Variants in ESPN observed in about 807,000 individuals in gnomAD.
ESPN encodes the protein autosomal recessive deafness type 36 protein.
In ESPN, 68 loss-of-function variants were observed where a neutral mutation model predicts 77.7. That is an observed-to-expected ratio of 0.87 (90% CI 0.72 to 1.07). The LOEUF (loss-of-function observed/expected upper bound fraction) is 1.07, where lower values mean the gene tolerates loss of function less well. Among genes scored for constraint, ESPN ranks in the 50% least tolerant of loss-of-function variants. The pLI is 0.00. For synonymous variants in ESPN, 449 were observed against 567.1 expected, an observed-to-expected ratio of 0.79 and a Z score of 2.96; for missense variants, 1,060 against 1,239.0, an observed-to-expected ratio of 0.86 and a Z score of 2.17.
At chr1:6,441,534 A>G (rs571297114) in intron 5 of ESPN, among the ~76,000 whole-genome samples, 2 of 152,204 alleles carry the variant, frequency 1.3e-5, no homozygotes, top group African/African-American at 4.8e-5. Context: ...CCCCTGCACC[A>G]TACATTTGCT....
intron 1 of ESPN, among the ~76,000 whole-genome samples, chr1:6,426,833 C>A (rs922038186): frequency 6.6e-6 from 1 of 152,158 alleles, no homozygotes; most frequent in African/African-American, 2.4e-5. Context: ...GAACCAGTCT[C>A]TGGCCCCCCC....
intron 2 of ESPN, among the ~76,000 whole-genome samples, chr1:6,434,115 C>A (rs1489286695): frequency 6.6e-6 from 1 of 152,180 alleles, no homozygotes; most frequent in Non-Finnish European, 1.5e-5. Context: ...GTTGGCCAGG[C>A]TGGTCTCCAA....
chr1:6,460,298 TC>T lies in ESPN; in HGVS notation c.*156del, dbSNP rs1013877309. 3.0e-6 allele frequency: 3 copies of T among 999,080 alleles called. No homozygotes were observed. Among genetic ancestry groups the T allele is most frequent in the African/African-American group, 1.7e-5 (1 of 60,590 alleles). The allele number at this position is 999,080 out of a possible 1,614,324, so 61.9% of individuals were successfully genotyped here. ...CTGACCCCCACCCTGGCCCCCCGTA[TC>T]CCCAGCCCTTGGCAACACTGGAGTG... On this transcript the variant is annotated 3_prime_UTR_variant, in exon 13 of 13. Coordinates refer to ENST00000645284, the MANE Select transcript of ESPN (RefSeq NM_031475.3).
intron 1 of ESPN, among the ~76,000 whole-genome samples, chr1:6,426,980 C>T (rs1370983811): frequency 7.9e-5 from 12 of 152,066 alleles, no homozygotes; most frequent in Admixed American, 7.9e-4. Flanking sequence ...CCGCAGGCTG[C>T]CTGAAGACCC....
intron 6 of ESPN, 186 bp from the exon 7 acceptor site, chr1:6,445,478 G>A (rs1643794674): frequency 2.9e-6 from 2 of 690,150 alleles, no homozygotes; most frequent in Admixed American, 4.2e-5. Flanking sequence ...TAAGTGCTGG[G>A]CTGGGGCAGG....
intron 2 of ESPN, among the ~76,000 whole-genome samples, chr1:6,435,138 A>G (rs979153290): frequency 6.6e-6 from 1 of 152,034 alleles, no homozygotes; most frequent in African/African-American, 2.4e-5. Flanking sequence ...ATCTTTTAAC[A>G]TAGGCCGGGA....
chr1:6,452,128 G>T (rs1409598405), intron 10 of ESPN, 32 bp downstream of exon 10: 16 of 1,518,482 alleles, frequency 1.1e-5, no homozygotes, highest in Non-Finnish European at 1.3e-5. Flanking sequence ...GGGAGCCCTG[G>T]GGTCTGCATC....
chr1:6,448,778 C>G lies in ESPN; in HGVS notation c.1602C>G (p.Arg534=), dbSNP rs777076998. 2 of 1,439,092 alleles carry G rather than the reference C, an allele frequency of 1.4e-6. No individual in the cohort carries two copies. Among genetic ancestry groups the G allele is most frequent in the Admixed American group, 2.6e-5 (1 of 38,682 alleles). 89.1% of individuals were successfully genotyped at this position (1,439,092 alleles called of 1,614,324 possible). The change falls in exon 8 of 13, where the codon CGC becomes CGG. Residue 534 remains arginine, a synonymous_variant. Transcript: ENST00000645284. ...GRCPGETLAA[R]PGMAHSEEVR... is the part of the protein sequence containing the mutation. ...GCCCCGGCGAGACGCTGGCCGCACGCCCGGGCATGGCGCACAGCGAGGAGG... is the reference window on the plus strand; with the variant it reads ...GCCCCGGCGAGACGCTGGCCGCACGGCCGGGCATGGCGCACAGCGAGGAGG...
chr1:6,430,260 G>T (rs926950029), intron 2 of ESPN, among the ~76,000 whole-genome samples: 1 of 152,202 alleles, frequency 6.6e-6, no homozygotes, highest in Non-Finnish European at 1.5e-5. Flanking sequence ...CAGCTCTCTC[G>T]CTGGCGCGTG....
chr1:6,431,066 T>TGCCCCAGGGCCTGAGCAGC (rs1553166345), intron 2 of ESPN, among the ~76,000 whole-genome samples: 3 of 152,180 alleles, frequency 2.0e-5, no homozygotes, highest in Non-Finnish European at 1.5e-5. Context: ...TGCTTCTGGC[T>TGCCCCAGGGCCTGAGCAGC]GCCCCAGGGC....
intron 10 of ESPN, chr1:6,456,780 C>T: frequency 3.1e-6 from 1 of 326,682 alleles, no homozygotes. Flanking sequence ...GAAGGTCCTT[C>T]ACAGGGGAGC....
intron 2 of ESPN, among the ~76,000 whole-genome samples, chr1:6,434,810 C>T (rs1486969226): frequency 1.3e-5 from 2 of 152,076 alleles, no homozygotes; most frequent in African/African-American, 2.4e-5. Flanking sequence ...TGGTAGGAAG[C>T]GATGGGGATG....
chr1:6,450,444 A>C lies in ESPN; in HGVS notation c.1916-1159A>C, dbSNP rs1200035572. On this transcript the variant is annotated intron_variant, in intron 8 of 12. Transcript: ENST00000645284. This position sits in a 1 kb window ranked among gnomAD's most constrained non-coding sequence, Gnocchi z 4.3. Reference sequence around the variant, plus strand: ...TCACTTCTCTCCTCTTGGTCCCTAGAAGTGAGAGTCCTGAGGCACAGGAAG... The same window carrying C: ...TCACTTCTCTCCTCTTGGTCCCTAGCAGTGAGAGTCCTGAGGCACAGGAAG... 1.3e-5 allele frequency: 13 copies of C among 977,046 alleles called. No individual in the cohort carries two copies. Among genetic ancestry groups the C allele is most frequent in the Non-Finnish European group, 1.6e-5 (13 of 822,158 alleles). The allele number at this position is 977,046 out of a possible 1,614,324, so 60.5% of individuals were successfully genotyped here.
intron 12 of ESPN, among the ~76,000 whole-genome samples, chr1:6,458,392 T>C (rs1644091819): frequency 1.3e-5 from 2 of 151,824 alleles, no homozygotes; most frequent in South Asian, 4.2e-4. Context: ...CTTGGCTCAC[T>C]GCAACCTCTA....
chr1:6,440,096 AG>A (rs1056692504), intron 2 of ESPN, among the ~76,000 whole-genome samples, 157 bp from the exon 3 acceptor site: 13 of 151,786 alleles, frequency 8.6e-5, no homozygotes, highest in African/African-American at 2.9e-4. Flanking sequence ...GACTCAGTCC[AG>A]GGGGAGCCCC....
chr1:6,449,071 GCTC>G lies in ESPN; in HGVS notation c.1902_1904del (p.Ser636del). ...GCTGGCCCTGGCTGCGGGCAGCGCC[GCTC>G]CTCCTCGTCCACCGGCAGTGAGTAG... On this transcript the variant is annotated inframe_deletion, in exon 8 of 13. Transcript: ENST00000645284. 6.7e-7 allele frequency: 1 copy of G among 1,482,218 alleles called. No homozygotes were observed. The highest frequency in any genetic ancestry group is 8.9e-7 in the Non-Finnish European group (1 of 1,123,492). 91.8% of individuals were successfully genotyped at this position (1,482,218 alleles called of 1,614,324 possible).
Position 6,460,131 on chromosome 1 carries a change from C to T in ESPN, c.2550C>T (p.Asp850=), listed in dbSNP as rs1006682020. ...GACAGGTCATCCTGAAGAAGGGGGA[C>T]ATCGCTAAGTACTAGAGGCCGCAGA... ...WQRQVILKKG[D]IAKY is the part of the protein sequence containing the mutation. The change falls in exon 13 of 13, where the codon GAC becomes GAT. Residue 850 remains aspartate (D), a synonymous_variant. Transcript: ENST00000645284. 1.2e-6 allele frequency: 2 copies of T among 1,612,398 alleles called. No homozygotes were observed. Among genetic ancestry groups the T allele is most frequent in the South Asian group, 1.1e-5 (1 of 91,036 alleles).
chr1:6,461,336 G>C, downstream of ESPN: 1 of 1,408,906 alleles, frequency 7.1e-7, no homozygotes, highest in African/African-American at 1.4e-5. The surrounding 1 kb of genome is among the most constrained non-coding windows in gnomAD (Gnocchi z 6.3). Context: ...CGTGCCAGCG[G>C]CTTAATAAGT....
intron 12 of ESPN, 103 bp downstream of exon 12, chr1:6,457,475 G>C (rs746751308): frequency 4.4e-5 from 61 of 1,397,706 alleles, no homozygotes; most frequent in Non-Finnish European, 6.1e-5. Context: ...CCTGTCTCTT[G>C]GCCCTTGTAG....
Sources: gnomAD v4.1 joint callset for allele counts (sites outside exome capture counted in the v4.1 genomes callset) on GRCh38, gnomAD v4.1.1 for gene constraint, Gnocchi (gnomAD v3.1) non-coding constraint, MANE v1.5 for transcripts, NCBI Gene and HGNC (gene_info 2026-07-23, HGNC 2026-07-21) for gene names.